BMPR1A: variants seen among roughly 807,000 people sequenced by gnomAD.
BMPR1A encodes the protein bone morphogenetic protein receptor type 1A.
A neutral mutation model predicts 66.0 loss-of-function variants in BMPR1A; 7 were observed. That is an observed-to-expected ratio of 0.11 (90% CI 0.06 to 0.20). The LOEUF is 0.20. Among genes scored for constraint, BMPR1A ranks in the 10% least tolerant of loss-of-function variants. The pLI is 1.00. For missense variants in BMPR1A, 408 were observed against 669.1 expected, an observed-to-expected ratio of 0.61 and a Z score of 4.31; for synonymous variants, 200 against 229.7, an observed-to-expected ratio of 0.87 and a Z score of 1.17.
intron 8 of BMPR1A, among the ~76,000 whole-genome samples, chr10:86,914,525 A>G (rs1843535674): frequency 6.6e-6 from 1 of 152,218 alleles, no homozygotes; most frequent in Non-Finnish European, 1.5e-5. Context: ...TTGCAACTCA[A>G]TAATAAGATA....
chr10:86,855,248 A>G, intron 2 of BMPR1A: 2 of 1,077,630 alleles, frequency 1.9e-6, no homozygotes, highest in African/African-American at 1.6e-5. Context: ...TCAGACACAC[A>G]GAAGCATAAT....
intron 1 of BMPR1A, among the ~76,000 whole-genome samples, chr10:86,834,774 T>G (rs1269190130): frequency 1.3e-5 from 2 of 152,210 alleles, no homozygotes; most frequent in African/African-American, 4.8e-5. Flanking sequence ...ATGTTTGTGT[T>G]TTCTAGTTAT....
At chr10:86,828,611 C>G (rs1339910502) in intron 1 of BMPR1A, among the ~76,000 whole-genome samples, 1 of 152,084 alleles carries the variant, frequency 6.6e-6, no homozygotes, top group East Asian at 1.9e-4. Context: ...CTGATTTTAG[C>G]AGATCTGGTG....
intron 1 of BMPR1A, among the ~76,000 whole-genome samples, chr10:86,794,330 C>T (rs866341734): frequency 6.6e-6 from 1 of 152,036 alleles, no homozygotes; most frequent in South Asian, 2.1e-4. Context: ...AGCACTGTGA[C>T]GTTAGGCAAG....
chr10:86,794,569 G>T (rs1027617853), intron 1 of BMPR1A, among the ~76,000 whole-genome samples: 10 of 152,096 alleles, frequency 6.6e-5, no homozygotes, highest in African/African-American at 1.4e-4. Context: ...TGTATAAAAA[G>T]TATATAACAT....
chr10:86,892,882 T>C (rs1273193474), intron 5 of BMPR1A, among the ~76,000 whole-genome samples: 1 of 148,690 alleles, frequency 6.7e-6, no homozygotes, highest in Non-Finnish European at 1.5e-5. Flanking sequence ...AAAAAAAAAA[T>C]TCTTTTTTCT....
Position 86,921,755 on chromosome 10 carries a change from T to C in BMPR1A, c.1342+60T>C. 5 of 1,606,800 alleles carry C rather than the reference T, an allele frequency of 3.1e-6. No individual in the cohort carries two copies. In the South Asian group the frequency reaches 4.4e-5, roughly 14 times the overall value. On this transcript the variant is annotated intron_variant, in intron 11 of 12. Transcript: ENST00000372037. ...TACTCATCATTTTAAAAATAACAGCTCCAGTTATATAACTTTTTAGTTTTT... is the reference window on the plus strand; with the variant it reads ...TACTCATCATTTTAAAAATAACAGCCCCAGTTATATAACTTTTTAGTTTTT...
At chr10:86,910,370 AC>A (rs1446641871) in intron 7 of BMPR1A, among the ~76,000 whole-genome samples, 1 of 152,138 alleles carries the variant, frequency 6.6e-6, no homozygotes, top group African/African-American at 2.4e-5. Flanking sequence ...AATAAAGATT[AC>A]CAATAGGTGA....
intron 2 of BMPR1A, among the ~76,000 whole-genome samples, chr10:86,862,090 A>G (rs979423491): frequency 5.9e-5 from 9 of 152,216 alleles, no homozygotes; most frequent in South Asian, 2.1e-4. Context: ...TCCTGGCCTC[A>G]TGGAGCATAT....
At chr10:86,809,966 ATAT>A (rs35115658) in intron 1 of BMPR1A, among the ~76,000 whole-genome samples, 14 of 150,484 alleles carry the variant, frequency 9.3e-5, no homozygotes, top group South Asian at 4.3e-4. Context: ...TAGTTGCTGA[ATAT>A]TATTATTATT....
intron 2 of BMPR1A, among the ~76,000 whole-genome samples, chr10:86,856,722 C>T (rs1842646635): frequency 1.3e-5 from 2 of 152,274 alleles, no homozygotes; most frequent in South Asian, 4.1e-4. Context: ...TGAAACTCCA[C>T]AGGTTTAAGG....
chr10:86,838,074 C>T (rs1274476669), intron 1 of BMPR1A, among the ~76,000 whole-genome samples: 2 of 152,032 alleles, frequency 1.3e-5, no homozygotes, highest in African/African-American at 2.4e-5. Flanking sequence ...TTGAAGTTTC[C>T]GTTAAAAGAT....
chr10:86,879,379 A>G (rs998661831), intron 3 of BMPR1A, among the ~76,000 whole-genome samples: 1 of 152,208 alleles, frequency 6.6e-6, no homozygotes, highest in African/African-American at 2.4e-5. Context: ...CTTGTGTTAA[A>G]TCACTGGCAA....
intron 2 of BMPR1A, among the ~76,000 whole-genome samples, chr10:86,846,324 G>A (rs1441215645): frequency 4.6e-5 from 7 of 151,990 alleles, no homozygotes; most frequent in East Asian, 1.9e-4. Flanking sequence ...CTCCATTGAC[G>A]GGCCTGGTAC....
At chr10:86,923,186 G>A (rs1188918285) in intron 11 of BMPR1A, among the ~76,000 whole-genome samples, 190 bp from the exon 12 acceptor site, 7 of 152,110 alleles carry the variant, frequency 4.6e-5, no homozygotes, top group African/African-American at 1.7e-4. Context: ...CCCTGGTGGA[G>A]GTAGAGGAAA....
chr10:86,853,681 A>G (rs896120869), intron 2 of BMPR1A, among the ~76,000 whole-genome samples: 2 of 152,184 alleles, frequency 1.3e-5, no homozygotes, highest in Admixed American at 6.5e-5. Context: ...GAGACATCAC[A>G]TGTCGGTAGA....
At chr10:86,829,227 CAT>C (rs1202037661) in intron 1 of BMPR1A, among the ~76,000 whole-genome samples, 3 of 151,894 alleles carry the variant, frequency 2.0e-5, no homozygotes, top group Non-Finnish European at 4.4e-5. Flanking sequence ...TATGTACACA[CAT>C]ATGTATATAC....
intron 2 of BMPR1A, among the ~76,000 whole-genome samples, chr10:86,873,526 G>A (rs1842879711): frequency 1.3e-5 from 2 of 152,114 alleles, no homozygotes; most frequent in Non-Finnish European, 1.5e-5. Flanking sequence ...AGCAAGGGAG[G>A]CAGGACCAAA....
At chr10:86,913,125 T>G (rs1432926809) in intron 8 of BMPR1A, among the ~76,000 whole-genome samples, 2 of 151,978 alleles carry the variant, frequency 1.3e-5, no homozygotes, top group African/African-American at 4.8e-5. Context: ...TATTTTACTT[T>G]ATTTTATTTT....
Sources: gnomAD v4.1 joint callset for allele counts (sites outside exome capture counted in the v4.1 genomes callset) on GRCh38, gnomAD v4.1.1 for gene constraint, MANE v1.5 for transcripts, NCBI Gene and HGNC (gene_info 2026-07-23, HGNC 2026-07-21) for gene names.